The following ZBTB20 variants were observed in gnomAD, a reference collection of about 807,000 sequenced individuals.
ZBTB20 encodes the protein zinc finger and BTB domain-containing protein 20.
ZBTB20 carries 9 observed loss-of-function variants against 56.9 expected under a neutral mutation model. That is an observed-to-expected ratio of 0.16 (90% CI 0.10 to 0.28). The LOEUF (loss-of-function observed/expected upper bound fraction) is 0.28. Among genes scored for constraint, ZBTB20 ranks in the 10% least tolerant of loss-of-function variants. ZBTB20 has a pLI of 1.00. For missense variants in ZBTB20, 655 were observed against 1,003.0 expected, an observed-to-expected ratio of 0.65 and a Z score of 4.69; for synonymous variants, 417 against 420.7, an observed-to-expected ratio of 0.99 and a Z score of 0.11.
intron 3 of ZBTB20, among the ~76,000 whole-genome samples, chr3:114,919,868 CT>C (rs1179358502): frequency 6.6e-6 from 1 of 152,136 alleles, no homozygotes; most frequent in African/African-American, 2.4e-5. Flanking sequence ...CAACAATATG[CT>C]GCCTATAAGA....
rs572805894 is a variant in ZBTB20 at position 114,536,751 on chromosome 3, T to A, written c.-294-36360A>T. 1.0e-3 allele frequency among the ~76,000 whole-genome samples: 153 copies of A among 152,274 alleles called. 2 individuals carry two copies. The highest frequency in any genetic ancestry group is 1.2e-3 in the Non-Finnish European group (84 of 68,024). On this transcript the variant is annotated intron_variant, in intron 6 of 11. Transcript: ENST00000675478. ...CTGACTTCAAACTATGCTAGAAGGC[T>A]ACTGTTACCAAAACGGCATGGTACT...
chr3:114,775,048 C>T (rs1327725182), intron 5 of ZBTB20, among the ~76,000 whole-genome samples: 1 of 152,024 alleles, frequency 6.6e-6, no homozygotes, highest in East Asian at 1.9e-4. Flanking sequence ...TTTACAAAAC[C>T]TTTTGTTCCA....
chr3:114,343,786 G>A (rs1478364145), intron 11 of ZBTB20, among the ~76,000 whole-genome samples: 3 of 152,234 alleles, frequency 2.0e-5, no homozygotes, highest in Non-Finnish European at 4.4e-5. Flanking sequence ...CGTGGCTCAC[G>A]CCTGTAATCC....
intron 4 of ZBTB20, among the ~76,000 whole-genome samples, chr3:114,888,081 T>G: frequency 6.8e-6 from 1 of 147,724 alleles, no homozygotes; most frequent in Non-Finnish European, 1.5e-5. Context: ...GATCTTAACG[T>G]GGAATTGGTC....
intron 3 of ZBTB20, among the ~76,000 whole-genome samples, chr3:114,967,026 C>G (rs1475600676): frequency 6.6e-6 from 1 of 151,954 alleles, no homozygotes; most frequent in East Asian, 1.9e-4. Context: ...TAGTTTTAAC[C>G]TAGAGAATAA....
intron 6 of ZBTB20, among the ~76,000 whole-genome samples, chr3:114,637,779 C>T (rs2059354339): frequency 6.6e-6 from 1 of 152,044 alleles, no homozygotes; most frequent in African/African-American, 2.4e-5. Flanking sequence ...AAATATATAA[C>T]ATGTGTTCCT....
intron 7 of ZBTB20, among the ~76,000 whole-genome samples, chr3:114,400,296 C>T (rs565995284): frequency 5.2e-4 from 79 of 152,282 alleles, no homozygotes; most frequent in African/African-American, 1.7e-3. Context: ...AAATCTCTCT[C>T]TTGTAAAATG....
chr3:115,053,744 C>T (rs2081642253), intron 2 of ZBTB20, among the ~76,000 whole-genome samples: 1 of 152,046 alleles, frequency 6.6e-6, no homozygotes, highest in African/African-American at 2.4e-5. Context: ...CTTATATTAT[C>T]CGAATGCCCT....
intron 4 of ZBTB20, among the ~76,000 whole-genome samples, chr3:114,875,199 T>C (rs888357043): frequency 6.6e-6 from 1 of 152,146 alleles, no homozygotes; most frequent in African/African-American, 2.4e-5. Context: ...ATTAGCACTG[T>C]GCATAATCAA....
rs1327503791 is a variant in ZBTB20 at position 114,320,163 on chromosome 3, G to A, written c.*18842C>T. 1 of 152,170 alleles carries A rather than the reference G, an allele frequency of 6.6e-6. No homozygotes were observed. Among genetic ancestry groups the A allele is most frequent in the African/African-American group, 2.4e-5 (1 of 41,436 alleles). 9.4% of individuals were successfully genotyped at this position (152,170 alleles called of 1,614,324 possible). On this transcript the variant is annotated 3_prime_UTR_variant, in exon 12 of 12. Coordinates refer to ENST00000675478, the MANE Select transcript of ZBTB20 (RefSeq NM_001348800.3). ...ATGATATTAATCTTTCATGTGGGATGTAGTTTGTATGTGTATTCAGTACAA... is the reference window on the plus strand; with the variant it reads ...ATGATATTAATCTTTCATGTGGGATATAGTTTGTATGTGTATTCAGTACAA...
At chr3:115,058,647 T>G (rs1281246194) in intron 2 of ZBTB20, among the ~76,000 whole-genome samples, 1 of 152,134 alleles carries the variant, frequency 6.6e-6, no homozygotes, top group African/African-American at 2.4e-5. Context: ...GAGAATCACT[T>G]GAACCCAGGA....
chr3:114,432,105 A>G (rs2090167301), intron 7 of ZBTB20, among the ~76,000 whole-genome samples: 1 of 152,002 alleles, frequency 6.6e-6, no homozygotes, highest in Non-Finnish European at 1.5e-5. Context: ...CCCAGTGGAA[A>G]CATTAGCACT....
At chr3:115,138,707 G>T (rs1174267279) in intron 1 of ZBTB20, among the ~76,000 whole-genome samples, 1 of 152,004 alleles carries the variant, frequency 6.6e-6, no homozygotes, top group Non-Finnish European at 1.5e-5. Flanking sequence ...CCTGTCTCAC[G>T]GGATTGTGGA....
rs867153136 is a variant in ZBTB20, at chr3:114,959,537, A to T, written c.-456+14829T>A. On this transcript the variant is annotated intron_variant, in intron 3 of 11. Coordinates refer to ENST00000675478, the MANE Select transcript of ZBTB20 (RefSeq NM_001348800.3). ...ATAAATAAATAAGAAAAATGATGAC[A>T]AATTTGCAAGGGACACCAACACCAA... Among the ~76,000 whole-genome samples, 28 of 152,238 alleles carry T rather than the reference A, an allele frequency of 1.8e-4. 1 individual carries two copies. Among genetic ancestry groups the T allele is most frequent in the South Asian group, 8.3e-4 (4 of 4,820 alleles).
chr3:115,028,786 T>C (rs2108334669), intron 2 of ZBTB20, among the ~76,000 whole-genome samples: 1 of 150,836 alleles, frequency 6.6e-6, no homozygotes, highest in Admixed American at 6.6e-5. Flanking sequence ...ACCACAATTC[T>C]TAATTTTAAA....
rs1440380391 is a variant in ZBTB20 at position 114,756,804 on chromosome 3, ACAATTATATT to A, written c.-343+44287_-343+44296del. 2.0e-5 allele frequency among the ~76,000 whole-genome samples: 3 copies of A among 152,140 alleles called. No individual in the cohort carries two copies. In the East Asian group the frequency reaches 5.8e-4, roughly 29 times the overall value. ...CTCTAATTGAGTATTAGACATTTTA[ACAATTATATT>A]CATATTGATATGTCCTTATACGACC... is the stretch of plus-strand genomic sequence containing the variant. On this transcript the variant is annotated intron_variant, in intron 5 of 11. Coordinates refer to ENST00000675478, the MANE Select transcript of ZBTB20 (RefSeq NM_001348800.3).
intron 5 of ZBTB20, among the ~76,000 whole-genome samples, chr3:114,729,334 A>G (rs1186200255): frequency 6.6e-6 from 1 of 152,224 alleles, no homozygotes; most frequent in African/African-American, 2.4e-5. Flanking sequence ...TATTAACAAA[A>G]TGCATTTTCC....
At chr3:114,786,038 C>T (rs532993464) in intron 5 of ZBTB20, among the ~76,000 whole-genome samples, 16 of 152,038 alleles carry the variant, frequency 1.1e-4, no homozygotes, top group East Asian at 5.8e-4. Flanking sequence ...ATGTACAGGA[C>T]GTGCAGGTTT....
At chr3:114,788,571 G>A (rs1375251249) in intron 5 of ZBTB20, among the ~76,000 whole-genome samples, 1 of 152,084 alleles carries the variant, frequency 6.6e-6, no homozygotes, top group Non-Finnish European at 1.5e-5. Flanking sequence ...TGGACATTTG[G>A]ATTGTTTTCA....
Sources: gnomAD v4.1 joint callset for allele counts (sites outside exome capture counted in the v4.1 genomes callset) on GRCh38, gnomAD v4.1.1 for gene constraint, MANE v1.5 for transcripts, NCBI Gene and HGNC (gene_info 2026-07-23, HGNC 2026-07-21) for gene names.